Variants in IL1RAPL2 observed in about 807,000 individuals in gnomAD.
IL1RAPL2 encodes interleukin 1 receptor accessory protein like 2, also known as X-linked interleukin-1 receptor accessory protein-like 2.
Under a neutral mutation model 44.1 loss-of-function variants are expected in IL1RAPL2, and 3 were observed. That is an observed-to-expected ratio of 0.07 (90% confidence interval 0.03 to 0.18). The LOEUF is 0.18. IL1RAPL2 is among the 10% of genes least tolerant of loss of function. IL1RAPL2 has a pLI of 1.00. For missense variants in IL1RAPL2, 391 were observed against 496.4 expected, an observed-to-expected ratio of 0.79 and a Z score of 2.02; for synonymous variants, 181 against 178.8, an observed-to-expected ratio of 1.01 and a Z score of -0.10.
At chrX:105,093,206 CA>C (rs2032565865) in intron 2 of IL1RAPL2, among the ~76,000 whole-genome samples, 4 of 110,747 alleles carry the variant, frequency 3.6e-5, no homozygotes. Flanking sequence ...CACACACACA[CA>C]CACACACCTC....
intron 2 of IL1RAPL2, among the ~76,000 whole-genome samples, chrX:105,082,573 C>T (rs747388970): frequency 2.7e-5 from 3 of 110,855 alleles, no homozygotes; most frequent in Non-Finnish European, 5.7e-5. Context: ...CTGGTGGGTG[C>T]CCCTCTGGGT....
intron 5 of IL1RAPL2, among the ~76,000 whole-genome samples, chrX:105,275,003 G>A (rs781131535): frequency 2.7e-5 from 3 of 111,529 alleles, no homozygotes; most frequent in Non-Finnish European, 3.8e-5. Flanking sequence ...TTGAGGTCAG[G>A]AGTTCAAGAC....
chrX:104,975,542 A>G (rs994727916), intron 2 of IL1RAPL2, among the ~76,000 whole-genome samples: 6 of 112,780 alleles, frequency 5.3e-5, no homozygotes, highest in African/African-American at 1.9e-4. Flanking sequence ...GAGTAATGAC[A>G]AGTTAAATCA....
chrX:105,279,716 G>A (rs753587980), intron 5 of IL1RAPL2, among the ~76,000 whole-genome samples: 1 of 111,882 alleles, frequency 8.9e-6, no homozygotes, highest in South Asian at 3.7e-4. Flanking sequence ...TTGACCTCCT[G>A]ATCCTCCCGC....
At chrX:104,922,120 C>T (rs902635082) in intron 2 of IL1RAPL2, among the ~76,000 whole-genome samples, 1 of 112,234 alleles carries the variant, frequency 8.9e-6, no homozygotes, top group Non-Finnish European at 1.9e-5. Flanking sequence ...GTTTTGCCCC[C>T]TCCAGCCACC....
At chrX:104,882,805 C>T (rs1602779200) in intron 2 of IL1RAPL2, among the ~76,000 whole-genome samples, 1 of 111,689 alleles carries the variant, frequency 9.0e-6, no homozygotes, top group Non-Finnish European at 1.9e-5. Flanking sequence ...TCTTTGGGTC[C>T]GCACTACCTT....
intron 5 of IL1RAPL2, among the ~76,000 whole-genome samples, chrX:105,460,407 T>C (rs2036085517): frequency 9.0e-6 from 1 of 110,563 alleles, no homozygotes; most frequent in South Asian, 3.8e-4. Flanking sequence ...TTATTCTTCC[T>C]TCTCCCCATT....
intron 5 of IL1RAPL2, among the ~76,000 whole-genome samples, chrX:105,302,521 T>C (rs1240187250): frequency 8.9e-6 from 1 of 111,823 alleles, no homozygotes; most frequent in Non-Finnish European, 1.9e-5. Flanking sequence ...TGGTGCACAG[T>C]GTGTTTAGCA....
intron 3 of IL1RAPL2, among the ~76,000 whole-genome samples, chrX:105,221,370 G>A (rs782041765): frequency 5.8e-5 from 6 of 104,023 alleles, no homozygotes; most frequent in African/African-American, 2.1e-4. Flanking sequence ...AAAGAAAAAC[G>A]TTAGACAACG....
chrX:105,457,505 T>G (rs909262448), intron 5 of IL1RAPL2, among the ~76,000 whole-genome samples: 1 of 110,395 alleles, frequency 9.1e-6, no homozygotes, highest in African/African-American at 3.3e-5. Context: ...TCATACAATA[T>G]TTGTCTTTAT....
At chrX:105,285,169 AT>A (rs2034561573) in intron 5 of IL1RAPL2, among the ~76,000 whole-genome samples, 1 of 111,452 alleles carries the variant, frequency 9.0e-6, no homozygotes, top group Admixed American at 9.6e-5. Flanking sequence ...ACTCAACTCA[AT>A]GAAGATCTTC....
chrX:105,336,415 C>A (rs999073129), intron 5 of IL1RAPL2, among the ~76,000 whole-genome samples: 1 of 112,349 alleles, frequency 8.9e-6, no homozygotes, highest in Non-Finnish European at 1.9e-5. Context: ...TTATTGTATG[C>A]CTACTATGTG....
chrX:105,743,049 C>G (rs778421840), intron 8 of IL1RAPL2, among the ~76,000 whole-genome samples: 1 of 111,498 alleles, frequency 9.0e-6, no homozygotes, highest in Non-Finnish European at 1.9e-5. Context: ...GAACACTTTT[C>G]CCACCTTCAC....
intron 2 of IL1RAPL2, among the ~76,000 whole-genome samples, chrX:105,186,222 G>A (rs782035538): frequency 9.0e-6 from 1 of 111,066 alleles, no homozygotes; most frequent in South Asian, 3.8e-4. Context: ...CCTGAATTCA[G>A]TAAGACCTCC....
intron 2 of IL1RAPL2, among the ~76,000 whole-genome samples, chrX:104,718,132 G>C (rs758871512): frequency 9.0e-6 from 1 of 110,875 alleles, no homozygotes; most frequent in South Asian, 3.8e-4. Flanking sequence ...TAATGGGATG[G>C]CTGGGTCAAA....
At chrX:105,247,348 T>C (rs767314454) in intron 4 of IL1RAPL2, among the ~76,000 whole-genome samples, 13 of 110,882 alleles carry the variant, frequency 1.2e-4, no homozygotes, top group Non-Finnish European at 2.3e-4. Flanking sequence ...GTTATGCACT[T>C]AATCACTCAC....
intron 1 of IL1RAPL2, among the ~76,000 whole-genome samples, chrX:104,658,247 A>C (rs145211860): frequency 0.011 from 1,225 of 112,617 alleles, 13 homozygotes; most frequent in Non-Finnish European, 0.016. Context: ...TGGATTAAGA[A>C]TATTTGGCAC....
chrX:104,985,365 A>G (rs1384794432), intron 2 of IL1RAPL2, among the ~76,000 whole-genome samples: 4 of 111,954 alleles, frequency 3.6e-5, no homozygotes. Flanking sequence ...CTGGGATTGC[A>G]GGCATGAGCC....
At chrX:105,393,189 G>T (rs984000184) in intron 5 of IL1RAPL2, among the ~76,000 whole-genome samples, 1 of 110,551 alleles carries the variant, frequency 9.0e-6, no homozygotes, top group Non-Finnish European at 1.9e-5. Context: ...CTAGGGAATG[G>T]GTGCTGCTGA....
Sources: allele counts gnomAD v4.1 joint callset (sites outside exome capture counted in the v4.1 genomes callset), GRCh38; gene constraint gnomAD v4.1.1; transcripts MANE v1.5; gene names NCBI Gene and HGNC (gene_info 2026-07-23, HGNC 2026-07-21).